The following CRTAC1 variants were observed in gnomAD, a reference collection of about 807,000 sequenced individuals.
The protein encoded by CRTAC1 is acidic secreted protein in cartilage.
In CRTAC1, 37 loss-of-function variants were observed where a neutral mutation model predicts 67.8. The observed-to-expected ratio is 0.55, with a 90% CI of 0.42 to 0.72. CRTAC1 has a LOEUF of 0.72. Among genes scored for constraint, CRTAC1 ranks in the 30% least tolerant of loss-of-function variants. The pLI is 0.00. For synonymous variants in CRTAC1, 348 were observed against 371.0 expected (o/e 0.94, Z 0.71); for missense variants, 780 against 931.6 (o/e 0.84, Z 2.12).
intron 2 of CRTAC1, among the ~76,000 whole-genome samples, chr10:97,973,943 G>A (rs1295440760): frequency 1.4e-5 from 2 of 140,758 alleles, no homozygotes; most frequent in Non-Finnish European, 3.0e-5. Context: ...GACAGCCATC[G>A]CATTCTTTGT....
chr10:97,918,845 G>A (rs1223882229), intron 4 of CRTAC1, among the ~76,000 whole-genome samples: 1 of 151,602 alleles, frequency 6.6e-6, no homozygotes, highest in Non-Finnish European at 1.5e-5. Flanking sequence ...GTACAGTGGT[G>A]TGATCTCGGC....
chr10:98,004,219 A>G lies in CRTAC1; in HGVS notation c.224+6919T>C, dbSNP rs115172562. Among the ~76,000 whole-genome samples the G allele has an allele frequency of 7.3e-3, 1,115 of 152,334 alleles. 17 individuals carry two copies. The highest frequency in any genetic ancestry group is 0.024 in the African/African-American group (1,010 of 41,568). On this transcript the variant is annotated intron_variant, in intron 2 of 14. Coordinates refer to ENST00000370597, the MANE Select transcript of CRTAC1 (RefSeq NM_018058.7). ...GGGTTAAGGGTGACCCATTTAAGAA[A>G]TATATTTTTGCAGAAGAGGCTTTAG...
At chr10:97,963,015 C>A (rs547578364) in intron 2 of CRTAC1, among the ~76,000 whole-genome samples, 1 of 152,030 alleles carries the variant, frequency 6.6e-6, no homozygotes, top group Non-Finnish European at 1.5e-5. Flanking sequence ...TACAGCCAGG[C>A]GACACAACAG....
At chr10:97,933,029 C>T (rs1039223577) in intron 3 of CRTAC1, among the ~76,000 whole-genome samples, 18 of 152,228 alleles carry the variant, frequency 1.2e-4, no homozygotes, top group Non-Finnish European at 7.3e-5. Flanking sequence ...CCACAGGTCG[C>T]TCTAACACAC....
At position 97,904,715 on chromosome 10, in the gene CRTAC1, T is replaced by C. The variant is rs780528306; in HGVS notation, c.950A>G (p.His317Arg). Residue 317 changes from histidine (H) to arginine (R), a missense_variant, in exon 7 of 15, where the codon CAC becomes CGC. Coordinates refer to ENST00000370597, the MANE Select transcript of CRTAC1 (RefSeq NM_018058.7). ...GGTGCTCATTTGCAGATAGAGGCGG[T>C]GGGGGCCATTCCAGTTGCCATAGAC... ...DIVYGNWNGP[H>R]RLYLQMSTHG... 1.9e-6 allele frequency: 3 copies of C among 1,600,294 alleles called. No homozygotes were observed. The highest frequency in any genetic ancestry group is 1.7e-6 in the Non-Finnish European group (2 of 1,173,882).
At chr10:97,877,946 T>C (rs2050166416) in intron 14 of CRTAC1, among the ~76,000 whole-genome samples, 1 of 152,244 alleles carries the variant, frequency 6.6e-6, no homozygotes, top group Non-Finnish European at 1.5e-5. Flanking sequence ...GTCAATGGGC[T>C]CTGTTATCTT....
At chr10:97,950,764 A>C (rs2051342376) in intron 2 of CRTAC1, among the ~76,000 whole-genome samples, 1 of 152,242 alleles carries the variant, frequency 6.6e-6, no homozygotes, top group African/African-American at 2.4e-5. Flanking sequence ...GGCTCTGTCC[A>C]ACCAGACAGA....
intron 2 of CRTAC1, among the ~76,000 whole-genome samples, chr10:97,985,907 CAG>C (rs1200355420): frequency 2.6e-5 from 4 of 152,182 alleles, no homozygotes; most frequent in Non-Finnish European, 5.9e-5. Flanking sequence ...CATTTGACCT[CAG>C]TGTCCCTGGC....
intron 3 of CRTAC1, among the ~76,000 whole-genome samples, chr10:97,934,352 T>G (rs1228401132): frequency 6.6e-6 from 1 of 152,116 alleles, no homozygotes; most frequent in Admixed American, 6.5e-5. Flanking sequence ...TAGGGATAAT[T>G]ACTATCTCTC....
At chr10:97,934,975 G>A (rs2051061906) in intron 3 of CRTAC1, among the ~76,000 whole-genome samples, 1 of 148,214 alleles carries the variant, frequency 6.7e-6, no homozygotes, top group Non-Finnish European at 1.5e-5. Flanking sequence ...GTGGGGGGGA[G>A]CGGCGGGCGC....
At chr10:97,990,835 T>A (rs1375736719) in intron 2 of CRTAC1, among the ~76,000 whole-genome samples, 1 of 152,186 alleles carries the variant, frequency 6.6e-6, no homozygotes, top group African/African-American at 2.4e-5. Flanking sequence ...AGGTGAGACA[T>A]TGATTCATAG....
intron 2 of CRTAC1, among the ~76,000 whole-genome samples, chr10:97,978,646 C>T (rs1408020643): frequency 6.6e-6 from 1 of 152,170 alleles, no homozygotes; most frequent in Non-Finnish European, 1.5e-5. Context: ...GACATAGGGA[C>T]TCTTCTCCCA....
chr10:98,014,958 AG>A (rs1842968981), intron 1 of CRTAC1, among the ~76,000 whole-genome samples: 1 of 152,234 alleles, frequency 6.6e-6, no homozygotes, highest in African/African-American at 2.4e-5. Context: ...TATACACAAA[AG>A]AATTGAGAAA....
In CRTAC1 at chr10:97,895,152, C is replaced by T. The variant is rs754954897; in HGVS notation, c.1486+93G>A. 30 of 1,271,910 alleles carry T rather than the reference C, an allele frequency of 2.4e-5. No individual in the cohort carries two copies. The highest frequency in any genetic ancestry group is 7.4e-5 in the African/African-American group (5 of 67,972). The allele number at this position is 1,271,910 out of a possible 1,614,324, so 78.8% of individuals were successfully genotyped here. A position where few individuals can be genotyped will look rare whatever the true frequency, so the allele number is the denominator to read the frequency against. On this transcript the variant is annotated intron_variant, in intron 11 of 14. Transcript: ENST00000370597. The surrounding 1 kb of genome is among the most constrained non-coding windows in gnomAD (Gnocchi z 4.2). Reference sequence around the variant, plus strand: ...GTCCACCATGGCTGTCACAGTAGAGCGGAGCGGTGCCCAAGGATGCTCGGG... The same window carrying T: ...GTCCACCATGGCTGTCACAGTAGAGTGGAGCGGTGCCCAAGGATGCTCGGG...
chr10:97,892,106 T>C (rs1052689089), intron 11 of CRTAC1, among the ~76,000 whole-genome samples: 1 of 152,186 alleles, frequency 6.6e-6, no homozygotes, highest in African/African-American at 2.4e-5. Flanking sequence ...TAAGCCTGAG[T>C]GTGGGGAGTA....
At position 98,011,316 on chromosome 10, in the gene CRTAC1, G is replaced by A. The variant is rs1340316370; in HGVS notation, c.46C>T (p.Leu16=). The change falls in exon 2 of 15, where the codon CTG becomes TTG. Residue 16 remains leucine, a synonymous_variant. Coordinates refer to ENST00000370597, the MANE Select transcript of CRTAC1 (RefSeq NM_018058.7). The part of the protein sequence containing the change: ...DPGMSRMLPF[L]LLLWFLPITE... ...ATGGGCAGAAACCAGAGCAGCAGCA[G>A]GAACGGTAACATCCTGGACATCTGA... is the stretch of plus-strand genomic sequence containing the variant. 2 of 1,614,068 alleles carry A rather than the reference G, an allele frequency of 1.2e-6. No homozygotes were observed. The highest frequency in any genetic ancestry group is 3.3e-5 in the Admixed American group (2 of 60,028).
intron 11 of CRTAC1, among the ~76,000 whole-genome samples, chr10:97,884,911 C>G (rs1158374731): frequency 1.3e-5 from 2 of 152,180 alleles, no homozygotes; most frequent in African/African-American, 4.8e-5. Flanking sequence ...GGGGACAAAT[C>G]CCAGCTGTGC....
intron 14 of CRTAC1, 113 bp from the exon 15 acceptor site, chr10:97,865,827 A>C: frequency 4.1e-5 from 16 of 390,714 alleles, no homozygotes; most frequent in Non-Finnish European, 7.2e-5. Flanking sequence ...CCGGGGTGGG[A>C]GGGAGGGTGA....
intron 13 of CRTAC1, among the ~76,000 whole-genome samples, chr10:97,882,059 T>C (rs2050222004): frequency 6.6e-6 from 1 of 152,218 alleles, no homozygotes; most frequent in South Asian, 2.1e-4. Context: ...GGTATCTGTC[T>C]TGTTTACTCC....
Sources: gnomAD v4.1 joint callset for allele counts (sites outside exome capture counted in the v4.1 genomes callset) on GRCh38, gnomAD v4.1.1 for gene constraint, Gnocchi (gnomAD v3.1) non-coding constraint, MANE v1.5 for transcripts, NCBI Gene and HGNC (gene_info 2026-07-23, HGNC 2026-07-21) for gene names.